Variants in PRR16 observed in about 807,000 individuals in gnomAD.
PRR16 encodes the protein protein Largen.
PRR16 carries 6 observed loss-of-function variants against 18.2 expected under a neutral mutation model. That is an observed-to-expected ratio of 0.33 (90% confidence interval 0.18 to 0.65). The LOEUF is 0.65. Ranked by LOEUF, PRR16 falls within the 30% of genes least tolerant of loss-of-function variation. PRR16 has a pLI of 0.74. For missense variants in PRR16, 412 were observed against 376.6 expected (o/e 1.09, Z -0.78); for synonymous variants, 151 against 147.8 (o/e 1.02, Z -0.16).
chr5:120,489,621 G>A (rs1749949836), intron 1 of PRR16, among the ~76,000 whole-genome samples: 1 of 152,116 alleles, frequency 6.6e-6, no homozygotes, highest in African/African-American at 2.4e-5. Flanking sequence ...GCCATTCTGT[G>A]TCTTTTAATT....
downstream of PRR16, among the ~76,000 whole-genome samples, chr5:120,688,724 A>C (rs1030399151): frequency 1.3e-5 from 2 of 152,126 alleles, no homozygotes; most frequent in Non-Finnish European, 2.9e-5. Flanking sequence ...ATAGTTTAAG[A>C]CTGTGACACT....
chr5:120,558,284 C>A (rs1752477449), intron 1 of PRR16, among the ~76,000 whole-genome samples: 1 of 151,644 alleles, frequency 6.6e-6, no homozygotes, highest in South Asian at 2.1e-4. Flanking sequence ...CCACACCTAC[C>A]CACTACTCTT....
At chr5:120,663,949 T>TA (rs34795341) in intron 1 of PRR16, among the ~76,000 whole-genome samples, 8,820 of 152,170 alleles carry the variant, frequency 0.058, 309 homozygotes, top group South Asian at 0.083. Context: ...TTAATTTACT[T>TA]AAAAAATCAA....
At chr5:120,471,630 A>T (rs559585173) in intron 1 of PRR16, among the ~76,000 whole-genome samples, 1 of 152,242 alleles carries the variant, frequency 6.6e-6, no homozygotes, top group African/African-American at 2.4e-5. Flanking sequence ...TCTCTCCCAC[A>T]TATAAGGGTT....
the PRR16 span, among the ~76,000 whole-genome samples, chr5:120,750,906 T>G: frequency 6.6e-6 from 1 of 152,170 alleles, no homozygotes; most frequent in African/African-American, 2.4e-5. Context: ...ACATTAGAAC[T>G]TATTCCTTCA....
At chr5:120,492,617 A>C (rs1270444090) in intron 1 of PRR16, among the ~76,000 whole-genome samples, 4 of 152,022 alleles carry the variant, frequency 2.6e-5, no homozygotes, top group African/African-American at 7.2e-5. Flanking sequence ...TTTTTGTTAC[A>C]TGGATGAGTT....
At chr5:120,499,620 T>C (rs1750380257) in intron 1 of PRR16, among the ~76,000 whole-genome samples, 2 of 152,168 alleles carry the variant, frequency 1.3e-5, no homozygotes, top group African/African-American at 2.4e-5. Flanking sequence ...CTATATCTTA[T>C]ATCTTTGCTG....
intron 1 of PRR16, among the ~76,000 whole-genome samples, chr5:120,498,086 G>C (rs1245762827): frequency 2.0e-5 from 3 of 150,872 alleles, no homozygotes; most frequent in African/African-American, 7.3e-5. Context: ...TGTTTGTTTT[G>C]TTTTTGGCAT....
chr5:120,481,107 A>G, intron 1 of PRR16: 1 of 1,184,574 alleles, frequency 8.4e-7, no homozygotes. Flanking sequence ...TGAATTTTCA[A>G]ATTAAACACA....
At chr5:120,768,282 A>G in the PRR16 span, among the ~76,000 whole-genome samples, 6,564 of 151,936 alleles carry the variant, frequency 0.043, 186 homozygotes, top group South Asian at 0.078. Flanking sequence ...ATATAATTCT[A>G]GAATATTTTT....
chr5:120,564,026 G>T (rs1249672398), intron 1 of PRR16, among the ~76,000 whole-genome samples: 3 of 152,140 alleles, frequency 2.0e-5, no homozygotes, highest in East Asian at 1.9e-4. Flanking sequence ...TTGGCCCAGG[G>T]TGTGTCTGGA....
chr5:120,680,496 G>A (rs532368170), intron 1 of PRR16, among the ~76,000 whole-genome samples: 6 of 152,234 alleles, frequency 3.9e-5, no homozygotes, highest in African/African-American at 1.2e-4. Flanking sequence ...TGAAAAACCT[G>A]CAAGGAATAT....
chr5:120,626,360 G>T (rs775166809), intron 1 of PRR16, among the ~76,000 whole-genome samples: 1 of 152,050 alleles, frequency 6.6e-6, no homozygotes, highest in Non-Finnish European at 1.5e-5. Context: ...TTAAGTAAAA[G>T]AAACCAGATA....
intron 1 of PRR16, among the ~76,000 whole-genome samples, chr5:120,613,431 C>G (rs1478210738): frequency 6.6e-6 from 1 of 151,570 alleles, no homozygotes; most frequent in Non-Finnish European, 1.5e-5. Context: ...AAGTCAAGCT[C>G]TGTATTTTTC....
At chr5:120,531,683 A>G (rs1164025091) in intron 1 of PRR16, 1 of 152,088 alleles carries the variant, frequency 6.6e-6, no homozygotes, top group East Asian at 1.9e-4. Context: ...CATTGTCACT[A>G]TCTAAATGAT....
the PRR16 span, among the ~76,000 whole-genome samples, chr5:120,729,490 C>A: frequency 6.6e-6 from 1 of 152,086 alleles, no homozygotes; most frequent in Non-Finnish European, 1.5e-5. Context: ...GTCTATTATG[C>A]GGCCAACATG....
At chr5:120,505,796 T>C (rs371582563) in intron 1 of PRR16, among the ~76,000 whole-genome samples, 1 of 151,982 alleles carries the variant, frequency 6.6e-6, no homozygotes, top group Non-Finnish European at 1.5e-5. Flanking sequence ...TTTAAACTGA[T>C]ATAGATATAT....
At chr5:120,603,204 G>C (rs575354897) in intron 1 of PRR16, among the ~76,000 whole-genome samples, 1 of 151,932 alleles carries the variant, frequency 6.6e-6, no homozygotes, top group African/African-American at 2.4e-5. Flanking sequence ...GACATTTCCT[G>C]GTTGGTAGGT....
intron 1 of PRR16, among the ~76,000 whole-genome samples, chr5:120,520,394 C>T (rs1375302778): frequency 6.6e-6 from 1 of 151,498 alleles, no homozygotes; most frequent in Non-Finnish European, 1.5e-5. Context: ...GACTCTGTCT[C>T]CAAAAGAAAA....
Sources: allele counts gnomAD v4.1 joint callset (sites outside exome capture counted in the v4.1 genomes callset), GRCh38; gene constraint gnomAD v4.1.1; transcripts MANE v1.5; gene names NCBI Gene and HGNC (gene_info 2026-07-23, HGNC 2026-07-21).